Variants in AEBP2 observed in about 807,000 individuals in gnomAD.
AEBP2 encodes the protein zinc finger protein AEBP2.
Under a neutral mutation model 50.8 loss-of-function variants are expected in AEBP2, and 10 were observed. That is an observed-to-expected ratio of 0.20 (90% CI 0.12 to 0.33). AEBP2 has a LOEUF of 0.33. Among genes scored for constraint, AEBP2 ranks in the 10% least tolerant of loss-of-function variants. AEBP2 has a pLI of 1.00. For missense variants in AEBP2, 570 were observed against 688.0 expected (o/e 0.83, Z 1.92); for synonymous variants, 296 against 261.3 (o/e 1.13, Z -1.28).
chr12:19,442,683 A>G (rs1180167245), intron 1 of AEBP2, among the ~76,000 whole-genome samples: 1 of 152,234 alleles, frequency 6.6e-6, no homozygotes, highest in Non-Finnish European at 1.5e-5. Context: ...ACTACAGAAT[A>G]CTGTTTTTAA....
chr12:19,440,733 C>G, intron 1 of AEBP2: 1 of 1,533,558 alleles, frequency 6.5e-7, no homozygotes, highest in Non-Finnish European at 8.7e-7. Context: ...TCAAGGTTAG[C>G]TTCTTCCAAC....
intron 5 of AEBP2, among the ~76,000 whole-genome samples, chr12:19,501,651 A>G (rs1047529688): frequency 6.5e-5 from 2 of 30,904 alleles, no homozygotes; most frequent in Non-Finnish European, 4.1e-4. Context: ...AAAAAAAATT[A>G]TATATACACT....
chr12:19,462,108 A>T (rs1478253035), intron 1 of AEBP2, among the ~76,000 whole-genome samples: 1 of 152,204 alleles, frequency 6.6e-6, no homozygotes, highest in Non-Finnish European at 1.5e-5. Context: ...TTGCAGAGCT[A>T]TAAAGATAAT....
intron 5 of AEBP2, among the ~76,000 whole-genome samples, chr12:19,501,797 G>GTTTGTTTTTTTTTT (rs60750234): frequency 2.7e-4 from 19 of 70,908 alleles, no homozygotes; most frequent in East Asian, 9.8e-4. Flanking sequence ...AAATGAGTTT[G>GTTTGTTTTTTTTTT]TTTTTTTTTT....
chr12:19,501,184 A>C (rs2120515319), intron 5 of AEBP2, among the ~76,000 whole-genome samples: 1 of 152,144 alleles, frequency 6.6e-6, no homozygotes, highest in South Asian at 2.1e-4. Flanking sequence ...ACAAAAAATT[A>C]CCTGGGTGTG....
At chr12:19,443,135 C>T (rs547581625) in intron 1 of AEBP2, among the ~76,000 whole-genome samples, 9 of 151,060 alleles carry the variant, frequency 6.0e-5, no homozygotes, top group South Asian at 2.1e-4. Flanking sequence ...CTCACTCTAT[C>T]GCCCAGGCTG....
rs1218957805 is a variant in AEBP2 at position 19,439,925 on chromosome 12, G to T, written c.226G>T (p.Gly76Cys). The change falls in exon 1 of 8, where the codon GGC (glycine) becomes TGC (cysteine). Residue 76 changes from glycine to cysteine, a missense_variant. This residue lies in a region of AEBP2 where 386 missense variants were observed against 336.8 expected (regional missense o/e 1.15). Transcript: ENST00000266508. ...CGGAGGCGGCGGCGGAGGAGTGGGG[G>T]GCGGCGAGGCAGAGACGATGTCGGA... is the stretch of plus-strand genomic sequence containing the variant. ...GGGGGGGGVG[G>C]GEAETMSEPS... 3 of 1,508,882 alleles carry T rather than the reference G, an allele frequency of 2.0e-6. No homozygotes were observed. In the African/African-American group the frequency reaches 4.3e-5, roughly 22 times the overall value. The allele number at this position is 1,508,882 out of a possible 1,614,324, so 93.5% of individuals were successfully genotyped here. A position where few individuals can be genotyped will look rare whatever the true frequency, so the allele number is the denominator to read the frequency against.
intron 1 of AEBP2, among the ~76,000 whole-genome samples, chr12:19,407,356 G>C (rs2095736871): frequency 6.6e-6 from 1 of 151,820 alleles, no homozygotes; most frequent in Non-Finnish European, 1.5e-5. Flanking sequence ...CTGTAGCCCG[G>C]GCGCAATCTT....
intron 3 of AEBP2, among the ~76,000 whole-genome samples, chr12:19,492,251 A>G (rs1948904797): frequency 6.6e-6 from 1 of 152,222 alleles, no homozygotes; most frequent in Admixed American, 6.5e-5. Flanking sequence ...TTTAATTACC[A>G]CGATTCATTT....
intron 5 of AEBP2, among the ~76,000 whole-genome samples, chr12:19,510,634 G>A (rs1044973481): frequency 2.6e-5 from 4 of 152,122 alleles, no homozygotes; most frequent in Non-Finnish European, 4.4e-5. Flanking sequence ...TAGAGCCAAA[G>A]TCATACTTTG....
At chr12:19,512,650 C>T (rs1366604010) in intron 6 of AEBP2, among the ~76,000 whole-genome samples, 185 bp downstream of exon 6, 1 of 150,918 alleles carries the variant, frequency 6.6e-6, no homozygotes, top group African/African-American at 2.4e-5. Flanking sequence ...TTTTACGCTT[C>T]AAAACTTAAG....
intron 5 of AEBP2, among the ~76,000 whole-genome samples, chr12:19,506,468 T>G (rs1207088318): frequency 6.6e-6 from 1 of 152,214 alleles, no homozygotes; most frequent in African/African-American, 2.4e-5. Flanking sequence ...TTATATATAA[T>G]AAACTGTACC....
At chr12:19,505,255 A>G (rs1949139499) in intron 5 of AEBP2, among the ~76,000 whole-genome samples, 1 of 152,182 alleles carries the variant, frequency 6.6e-6, no homozygotes, top group East Asian at 1.9e-4. Flanking sequence ...TTGTTTTAAC[A>G]GGTCAGTAAG....
intron 1 of AEBP2, among the ~76,000 whole-genome samples, chr12:19,460,378 G>T (rs1260001808): frequency 6.6e-6 from 1 of 152,150 alleles, no homozygotes; most frequent in African/African-American, 2.4e-5. Context: ...GTCTCGCTCT[G>T]TCGCCCAGGC....
chr12:19,449,863 C>G (rs1270078236), intron 1 of AEBP2, among the ~76,000 whole-genome samples: 7 of 152,130 alleles, frequency 4.6e-5, no homozygotes, highest in African/African-American at 1.7e-4. Context: ...TGAGCATTTA[C>G]TACGTGCAAG....
rs568690588 is a variant in AEBP2, at chr12:19,501,331, C to CAAAA, written c.1299+1125_1299+1128dup. ...AGGCAGCAAGAGCGAAACTCCATCT[C>CAAAA]AAAAAAAAAAAAAAAAAATACAGCC... On this transcript the variant is annotated intron_variant, in intron 5 of 7. Coordinates refer to ENST00000266508, the MANE Select transcript of AEBP2 (RefSeq NM_153207.5). 9.7e-4 allele frequency among the ~76,000 whole-genome samples: 80 copies of CAAAA among 82,192 alleles called. 1 individual carries two copies. The highest frequency in any genetic ancestry group is 1.4e-3 in the East Asian group (4 of 2,876). The allele number at this position is 82,192 out of a possible 152,430, so 53.9% of individuals were successfully genotyped here.
At chr12:19,498,778 C>G (rs760029666) in intron 4 of AEBP2, among the ~76,000 whole-genome samples, 2 of 151,988 alleles carry the variant, frequency 1.3e-5, no homozygotes, top group Non-Finnish European at 2.9e-5. Flanking sequence ...AATGTTCTTA[C>G]CAAATTAAAT....
At chr12:19,495,799 CT>C (rs1948969465) in intron 4 of AEBP2, among the ~76,000 whole-genome samples, 1 of 152,210 alleles carries the variant, frequency 6.6e-6, no homozygotes, top group East Asian at 1.9e-4. Flanking sequence ...CCACTTCAGC[CT>C]CCCAAAGTGC....
intron 3 of AEBP2, among the ~76,000 whole-genome samples, chr12:19,486,798 C>G (rs138792013): frequency 0.017 from 2,529 of 150,476 alleles, 33 homozygotes; most frequent in South Asian, 0.035. Context: ...CCAGTCCTTT[C>G]TTTTCTTTTC....
Sources: allele counts gnomAD v4.1 joint callset (sites outside exome capture counted in the v4.1 genomes callset), GRCh38; gene constraint gnomAD v4.1.1; regional missense constraint gnomAD v4.1.1; transcripts MANE v1.5; gene names NCBI Gene and HGNC (gene_info 2026-07-23, HGNC 2026-07-21).